Variants in CABLES1 observed in about 807,000 individuals in gnomAD.
CABLES1 encodes the protein CDK5 and ABL1 enzyme substrate 1.
CABLES1 carries 36 observed loss-of-function variants against 57.8 expected under a neutral mutation model. The ratio of observed to expected loss-of-function variants is 0.62; its 90% CI spans 0.48 to 0.82. The LOEUF (loss-of-function observed/expected upper bound fraction) is 0.82, where lower values mean the gene tolerates loss of function less well. Among genes scored for constraint, CABLES1 ranks in the 40% least tolerant of loss-of-function variants. The probability of loss-of-function intolerance (pLI) is 0.00; values close to 1 mark genes in which losing one functional copy is unlikely to be tolerated. For synonymous variants in CABLES1, 374 were observed against 363.0 expected (o/e 1.03, Z -0.35); for missense variants, 767 against 836.6 (o/e 0.92, Z 1.03).
intron 1 of CABLES1, among the ~76,000 whole-genome samples, chr18:23,156,335 G>C (rs1439344827): frequency 1.3e-5 from 2 of 152,206 alleles, no homozygotes; most frequent in Non-Finnish European, 2.9e-5. Flanking sequence ...CTGTTCTCTG[G>C]GTTGATGCTG....
chr18:23,167,219 A>T (rs73402666), intron 1 of CABLES1, among the ~76,000 whole-genome samples: 2,771 of 145,696 alleles, frequency 0.019, 86 homozygotes, highest in African/African-American at 0.064. Context: ...TATTAAATTT[A>T]AAAAAAAAAT....
In CABLES1 at chr18:23,135,617, C is replaced by T. The variant is rs973878800; in HGVS notation, c.-146C>T. On this transcript the variant is annotated 5_prime_UTR_variant, in exon 1 of 10. Coordinates refer to ENST00000256925, the MANE Select transcript of CABLES1 (RefSeq NM_001100619.3). ...AGCACCGAGGGGCGAGCATGGCCCGCCCGCGGGGGGGCTGGACCGCCGCGC... is the reference window on the plus strand; with the variant it reads ...AGCACCGAGGGGCGAGCATGGCCCGTCCGCGGGGGGGCTGGACCGCCGCGC... 1.4e-4 allele frequency: 86 copies of T among 612,068 alleles called. No homozygotes were observed. The highest frequency in any genetic ancestry group is 1.6e-4 in the Non-Finnish European group (78 of 490,162). 37.9% of individuals were successfully genotyped at this position (612,068 alleles called of 1,614,324 possible). A position where few individuals can be genotyped will look rare whatever the true frequency, so the allele number is the denominator to read the frequency against.
intron 1 of CABLES1, among the ~76,000 whole-genome samples, chr18:23,178,659 G>C (rs998056012): frequency 6.6e-6 from 1 of 152,202 alleles, no homozygotes; most frequent in Non-Finnish European, 1.5e-5. Context: ...TAGACTGGGA[G>C]ATCTTTGGGG....
intron 1 of CABLES1, among the ~76,000 whole-genome samples, chr18:23,150,636 G>A (rs1188967453): frequency 2.0e-5 from 3 of 152,184 alleles, no homozygotes; most frequent in African/African-American, 7.2e-5. Flanking sequence ...GACCTTAGTG[G>A]CTCGTGCTGG....
intron 1 of CABLES1, among the ~76,000 whole-genome samples, chr18:23,167,896 C>T (rs548763030): frequency 1.3e-5 from 2 of 152,318 alleles, no homozygotes; most frequent in African/African-American, 2.4e-5. Context: ...GGCATGCAGG[C>T]GCTCGCGCCC....
intron 4 of CABLES1, chr18:23,219,226 A>G (rs1369755385): frequency 2.2e-6 from 1 of 453,816 alleles, no homozygotes; most frequent in Admixed American, 2.4e-5. Flanking sequence ...TGTGGAGCCT[A>G]CTCTCCGTGC....
rs934784857 is a variant in CABLES1 at position 23,223,580 on chromosome 18, A to G, written c.1088+9526A>G. On this transcript the variant is annotated intron_variant, in intron 4 of 9. Coordinates refer to ENST00000256925, the MANE Select transcript of CABLES1 (RefSeq NM_001100619.3). ...GCAACAGAATGAGACTCCGTCTCAG[A>G]AAAAAAAAAAAAAAAAAAAGTTGGC... is the stretch of plus-strand genomic sequence containing the variant. Among the ~76,000 whole-genome samples the G allele has an allele frequency of 1.3e-4, 16 of 122,376 alleles. 1 individual carries two copies. Among genetic ancestry groups the G allele is most frequent in the South Asian group, 1.1e-3 (4 of 3,712 alleles). 80.3% of individuals were successfully genotyped at this position (122,376 alleles called of 152,430 possible). A position where few individuals can be genotyped will look rare whatever the true frequency, so the allele number is the denominator to read the frequency against.
At chr18:23,208,798 C>T (rs1287604436) in intron 3 of CABLES1, among the ~76,000 whole-genome samples, 1 of 152,200 alleles carries the variant, frequency 6.6e-6, no homozygotes, top group Non-Finnish European at 1.5e-5. Flanking sequence ...TCCCTCTGAG[C>T]CCCAGGGGAA....
chr18:23,189,442 C>A, intron 2 of CABLES1: 1 of 161,960 alleles, frequency 6.2e-6, no homozygotes, highest in Non-Finnish European at 1.3e-5. Flanking sequence ...ATGGCCATTG[C>A]TGAGCTGTGC....
chr18:23,157,529 G>A (rs1194475854), intron 1 of CABLES1, among the ~76,000 whole-genome samples: 1 of 152,208 alleles, frequency 6.6e-6, no homozygotes, highest in Non-Finnish European at 1.5e-5. Flanking sequence ...GCATATGGCA[G>A]AAGGAAAGTG....
intron 4 of CABLES1, among the ~76,000 whole-genome samples, chr18:23,221,373 C>T (rs2047485834): frequency 6.6e-6 from 1 of 152,226 alleles, no homozygotes; most frequent in Admixed American, 6.5e-5. Context: ...AAAGTCTTGC[C>T]TGCAGCATGA....
chr18:23,234,740 T>C, intron 5 of CABLES1, 36 bp downstream of exon 5: 1 of 1,530,758 alleles, frequency 6.5e-7, no homozygotes, highest in South Asian at 1.1e-5. Flanking sequence ...CAAGTTGTGC[T>C]GAAGGCACAA....
intron 1 of CABLES1, among the ~76,000 whole-genome samples, chr18:23,158,536 G>A (rs1003064988): frequency 2.0e-5 from 3 of 152,188 alleles, no homozygotes; most frequent in African/African-American, 4.8e-5. Flanking sequence ...TACACAGCCA[G>A]TAAGGGATTT....
chr18:23,232,104 C>T (rs2047571144), intron 4 of CABLES1, among the ~76,000 whole-genome samples: 1 of 152,248 alleles, frequency 6.6e-6, no homozygotes, highest in Non-Finnish European at 1.5e-5. Context: ...TGAAAATGGA[C>T]TGAGACTGCC....
intron 5 of CABLES1, among the ~76,000 whole-genome samples, chr18:23,235,253 T>C (rs1436295404): frequency 1.3e-5 from 2 of 152,194 alleles, no homozygotes; most frequent in Middle Eastern, 3.2e-3. Context: ...TTTCAAAATC[T>C]GTGTATGGCA....
At chr18:23,252,270 A>T (rs2048057899) in intron 7 of CABLES1, among the ~76,000 whole-genome samples, 1 of 152,150 alleles carries the variant, frequency 6.6e-6, no homozygotes, top group Non-Finnish European at 1.5e-5. Flanking sequence ...GGAAGATGAA[A>T]AGATTCTGTG....
In CABLES1 at chr18:23,136,446, G is replaced by C; in HGVS notation, c.684G>C (p.Gly228=). The change falls in exon 1 of 10, where the codon GGG becomes GGC. Residue 228 remains glycine, a synonymous_variant. Coordinates refer to ENST00000256925, the MANE Select transcript of CABLES1 (RefSeq NM_001100619.3). The stretch of plus-strand genomic sequence containing the variant: ...CGGCGGCCGCCTTTTTGGGCTCCGG[G>C]ACCCCCGGGAGTGGGAGCGGCAGTC... The part of the protein sequence containing the change: ...QVPAAAFLGS[G]TPGSGSGSRG... 6.2e-7 allele frequency: 1 copy of C among 1,603,574 alleles called. No homozygotes were observed. Among genetic ancestry groups the C allele is most frequent in the Non-Finnish European group, 8.5e-7 (1 of 1,176,694 alleles).
intron 1 of CABLES1, among the ~76,000 whole-genome samples, chr18:23,183,097 C>T (rs191620309): frequency 1.8e-4 from 28 of 152,344 alleles, no homozygotes; most frequent in Admixed American, 1.3e-3. Flanking sequence ...GCCTGCGTCC[C>T]CTCATCAGTG....
At chr18:23,169,727 C>T (rs1598809370) in intron 1 of CABLES1, among the ~76,000 whole-genome samples, 1 of 152,176 alleles carries the variant, frequency 6.6e-6, no homozygotes, top group Non-Finnish European at 1.5e-5. Context: ...GCAGCAGAAA[C>T]GGTGAAAGAG....
Sources: gnomAD v4.1 joint callset for allele counts (sites outside exome capture counted in the v4.1 genomes callset) on GRCh38, gnomAD v4.1.1 for gene constraint, MANE v1.5 for transcripts, NCBI Gene and HGNC (gene_info 2026-07-23, HGNC 2026-07-21) for gene names.